Variants in SLC6A5 observed in about 807,000 individuals in gnomAD.
SLC6A5 encodes solute carrier family 6 member 5, also known as sodium- and chloride-dependent glycine transporter 2.
SLC6A5 carries 58 observed loss-of-function variants against 90.5 expected under a neutral mutation model. The ratio of observed to expected loss-of-function variants is 0.64; its 90% confidence interval spans 0.52 to 0.80. The LOEUF is 0.80. Among genes scored for constraint, SLC6A5 ranks in the 30% least tolerant of loss-of-function variants. The probability of loss-of-function intolerance (pLI) is 0.00; values close to 1 mark genes in which losing one functional copy is unlikely to be tolerated. For missense variants in SLC6A5, 1,015 were observed against 1,017.6 expected (o/e 1.00, Z 0.03); for synonymous variants, 427 against 401.4 (o/e 1.06, Z -0.76).
chr11:20,604,718 C>T (rs1334881857), intron 3 of SLC6A5, among the ~76,000 whole-genome samples: 1 of 152,138 alleles, frequency 6.6e-6, no homozygotes, highest in East Asian at 1.9e-4. Context: ...CACGTAAGCA[C>T]GGGTGCTAGC....
At chr11:20,638,119 A>G (rs147172058) in intron 12 of SLC6A5, among the ~76,000 whole-genome samples, 3 of 152,354 alleles carry the variant, frequency 2.0e-5, no homozygotes, top group African/African-American at 7.2e-5. Flanking sequence ...GAAACGATCA[A>G]TTGCTTAAAG....
At chr11:20,652,918 A>G (rs1853569736) in intron 15 of SLC6A5, among the ~76,000 whole-genome samples, 1 of 152,186 alleles carries the variant, frequency 6.6e-6, no homozygotes, top group Non-Finnish European at 1.5e-5. Context: ...GGGATGGTTG[A>G]GGGTCTCAGC....
chr11:20,620,635 T>C (rs971321930), intron 7 of SLC6A5, among the ~76,000 whole-genome samples: 3 of 152,190 alleles, frequency 2.0e-5, no homozygotes, highest in African/African-American at 7.2e-5. Flanking sequence ...CTGCTTCACA[T>C]GCATTAGAAG....
chr11:20,654,948 C>T lies in SLC6A5; in HGVS notation c.*80C>T, dbSNP rs1158769836. Reference sequence around the variant, plus strand: ...CTAATGTTTTCCATAGCTCTCCTCCCATTTTTCTTCATCTTTCTTCCTACA... The same window carrying T: ...CTAATGTTTTCCATAGCTCTCCTCCTATTTTTCTTCATCTTTCTTCCTACA... On this transcript the variant is annotated 3_prime_UTR_variant, in exon 16 of 16. Coordinates refer to ENST00000525748, the MANE Select transcript of SLC6A5 (RefSeq NM_004211.5). 7.2e-7 allele frequency: 1 copy of T among 1,379,626 alleles called. No homozygotes were observed. The highest frequency in any genetic ancestry group is 1.4e-5 in the African/African-American group (1 of 70,134). The allele number at this position is 1,379,626 out of a possible 1,614,324, so 85.5% of individuals were successfully genotyped here. A position where few individuals can be genotyped will look rare whatever the true frequency, so the allele number is the denominator to read the frequency against.
intron 6 of SLC6A5, 47 bp downstream of exon 6, chr11:20,614,867 G>A: frequency 6.5e-7 from 1 of 1,534,200 alleles, no homozygotes; most frequent in South Asian, 1.1e-5. Flanking sequence ...GAGAAACACA[G>A]TGAATTAATA....
chr11:20,626,695 A>G lies in SLC6A5; in HGVS notation c.1261-13A>G, dbSNP rs145492999. ...GCTGCTTCTTCCAGCCCCTCTGCCC[A>G]TGGCTTTTCTAGGTGGTGTACTTCA... is the stretch of plus-strand genomic sequence containing the variant. On this transcript the variant is annotated splice_polypyrimidine_tract_variant and intron_variant, in intron 7 of 15. Transcript: ENST00000525748. 2.5e-6 allele frequency: 4 copies of G among 1,613,402 alleles called. No individual in the cohort carries two copies. In the East Asian group the frequency reaches 6.7e-5, roughly 27 times the overall value.
Position 20,601,333 on chromosome 11 carries a change from T to C in SLC6A5, c.208T>C (p.Cys70Arg). Reference protein sequence around the residue: ...QTFQSADARACEAERPGVGSC... With the variant: ...QTFQSADARAREAERPGVGSC... ...TTTCCAGTCAGCGGACGCGCGAGCC[T>C]GCGAGGCTGAGCGGCCAGGAGTGGG... is the stretch of plus-strand genomic sequence containing the variant. Residue 70 changes from cysteine to arginine, a missense_variant, in exon 2 of 16, where the codon TGC (cysteine) becomes CGC (arginine). Physicochemically the swap from Cys to Arg is radical, Grantham distance 180 (BLOSUM62 -3). Around this residue, in one of 3 missense-constraint regions of SLC6A5, gnomAD observed 567 missense variants for 507.3 expected, o/e 1.12. Coordinates refer to ENST00000525748, the MANE Select transcript of SLC6A5 (RefSeq NM_004211.5). 6.3e-7 allele frequency: 1 copy of C among 1,597,296 alleles called. No homozygotes were observed. Among genetic ancestry groups the C allele is most frequent in the Non-Finnish European group, 8.5e-7 (1 of 1,175,186 alleles).
In SLC6A5 at chr11:20,624,344, G is replaced by A. The variant is rs1005787222; in HGVS notation, c.1261-2364G>A. On this transcript the variant is annotated intron_variant, in intron 7 of 15. Coordinates refer to ENST00000525748, the MANE Select transcript of SLC6A5 (RefSeq NM_004211.5). ...AATTTTTGTATTTTTGTGGAGATGG[G>A]GTTTCACTATGTTGCCCAGGCTGGT... Among the ~76,000 whole-genome samples the A allele has an allele frequency of 4.6e-5, 7 of 151,872 alleles. No individual in the cohort carries two copies. In the South Asian group the frequency reaches 1.0e-3, roughly 23 times the overall value.
In SLC6A5 at chr11:20,636,399, A is replaced by G; in HGVS notation, c.1717A>G (p.Thr573Ala). 1.2e-6 allele frequency: 2 copies of G among 1,609,450 alleles called. No individual in the cohort carries two copies. Among genetic ancestry groups the G allele is most frequent in the Non-Finnish European group, 1.7e-6 (2 of 1,176,172 alleles). The part of the protein sequence containing the change: ...WAIIFFLMLL[T>A]LGLDTMFATI... Reference sequence around the variant, plus strand: ...CATCATCTTTTTCCTGATGCTCCTCACTCTTGGACTTGACACTATGGTGAG... The same window carrying G: ...CATCATCTTTTTCCTGATGCTCCTCGCTCTTGGACTTGACACTATGGTGAG... The change falls in exon 11 of 16, where the codon ACT (threonine) becomes GCT (alanine). Residue 573 changes from threonine (T) to alanine (A), a missense_variant. Around this residue, in one of 3 missense-constraint regions of SLC6A5, gnomAD observed 442 missense variants for 494.3 expected, o/e 0.89. Coordinates refer to ENST00000525748, the MANE Select transcript of SLC6A5 (RefSeq NM_004211.5).
In SLC6A5 at chr11:20,655,036, G is replaced by A. The variant is rs1853617759; in HGVS notation, c.*168G>A. 3 of 755,564 alleles carry A rather than the reference G, an allele frequency of 4.0e-6. No individual in the cohort carries two copies. Among genetic ancestry groups the A allele is most frequent in the Non-Finnish European group, 6.9e-6 (3 of 432,312 alleles). 46.8% of individuals were successfully genotyped at this position (755,564 alleles called of 1,614,324 possible). ...AAAAGTAGGCATAGTGTCGCATGCT[G>A]CAGTAAAGAGCTACATAGACCACCT... On this transcript the variant is annotated 3_prime_UTR_variant, in exon 16 of 16. Transcript: ENST00000525748.
chr11:20,627,917 C>G, intron 8 of SLC6A5, 63 bp from the exon 9 acceptor site: 1 of 1,221,306 alleles, frequency 8.2e-7, no homozygotes, highest in Non-Finnish European at 1.2e-6. Context: ...GGGTGTGTGA[C>G]TCCTCTCCCC....
At chr11:20,633,014 G>A (rs948596129) in intron 10 of SLC6A5, among the ~76,000 whole-genome samples, 6 of 152,048 alleles carry the variant, frequency 3.9e-5, no homozygotes, top group African/African-American at 1.2e-4. Flanking sequence ...ACCAAGCTGT[G>A]TTTTGCTTTT....
chr11:20,636,043 CCT>C (rs1211611168), intron 10 of SLC6A5, among the ~76,000 whole-genome samples: 2 of 152,172 alleles, frequency 1.3e-5, no homozygotes, highest in Non-Finnish European at 2.9e-5. Flanking sequence ...AGTAGAGTTG[CCT>C]CTGAGTCTCT....
At chr11:20,607,442 A>T in intron 4 of SLC6A5, 37 bp from the exon 5 acceptor site, 3 of 1,611,680 alleles carry the variant, frequency 1.9e-6, no homozygotes, top group Non-Finnish European at 8.5e-7. Context: ...CATAGCATTT[A>T]AGATGGAATG....
chr11:20,618,086 G>A (rs554117353), intron 7 of SLC6A5, among the ~76,000 whole-genome samples: 1 of 150,842 alleles, frequency 6.6e-6, no homozygotes, highest in East Asian at 2.0e-4. Context: ...TGTTTTAAGG[G>A]TTAAATGAGA....
chr11:20,642,323 T>G (rs1853330065), intron 13 of SLC6A5, among the ~76,000 whole-genome samples: 1 of 151,810 alleles, frequency 6.6e-6, no homozygotes, highest in African/African-American at 2.4e-5. Context: ...CAAAGGTGCA[T>G]GGGGGAAAGT....
At chr11:20,622,323 G>A (rs186787621) in intron 7 of SLC6A5, among the ~76,000 whole-genome samples, 1 of 152,306 alleles carries the variant, frequency 6.6e-6, no homozygotes, top group African/African-American at 2.4e-5. Context: ...GGTGAGGTGA[G>A]CCAGTGCCTA....
chr11:20,624,196 C>T (rs1852946596), intron 7 of SLC6A5, among the ~76,000 whole-genome samples: 3 of 151,390 alleles, frequency 2.0e-5, no homozygotes, highest in Non-Finnish European at 4.4e-5. Context: ...CTCTGTCACT[C>T]AGGCTGGAGT....
rs140946423 is a variant in SLC6A5 at position 20,643,601 on chromosome 11, A to T, written c.1970-3233A>T. Among the ~76,000 whole-genome samples, 452 of 152,344 alleles carry T rather than the reference A, an allele frequency of 3.0e-3. 3 individuals carry two copies. The highest frequency in any genetic ancestry group is 0.011 in the African/African-American group (438 of 41,582). On this transcript the variant is annotated intron_variant, in intron 13 of 15. Coordinates refer to ENST00000525748, the MANE Select transcript of SLC6A5 (RefSeq NM_004211.5). ...ACCTAAGGTCACACAGTGAGTCAGT[A>T]GAAGAACTGGGGATCAACTCTTGGA...
Sources: gnomAD v4.1 joint callset for allele counts (sites outside exome capture counted in the v4.1 genomes callset) on GRCh38, gnomAD v4.1.1 for gene constraint, gnomAD v4.1.1 regional missense constraint, MANE v1.5 for transcripts, NCBI Gene and HGNC (gene_info 2026-07-23, HGNC 2026-07-21) for gene names.